The following TRPC7 variants were observed in gnomAD, a reference collection of about 807,000 sequenced individuals.
TRPC7 encodes the protein short transient receptor potential channel 7.
A neutral mutation model predicts 90.1 loss-of-function variants in TRPC7; 42 were observed. That is an observed-to-expected ratio of 0.47 (90% CI 0.36 to 0.60). TRPC7 has a LOEUF of 0.60. Ranked by LOEUF, TRPC7 falls within the 20% of genes least tolerant of loss-of-function variation. The pLI, the probability that TRPC7 is intolerant of heterozygous loss-of-function variation, is 0.00. For missense variants in TRPC7, 955 were observed against 1,112.3 expected (o/e 0.86, Z 2.01); for synonymous variants, 451 against 436.3 (o/e 1.03, Z -0.42).
chr5:136,354,103 A>C (rs982254187), intron 2 of TRPC7, among the ~76,000 whole-genome samples: 3 of 152,194 alleles, frequency 2.0e-5, no homozygotes, highest in African/African-American at 7.2e-5. Context: ...TTTTTAAAAA[A>C]CTTTTTGGCT....
At chr5:136,336,069 T>C (rs1759652436) in intron 2 of TRPC7, among the ~76,000 whole-genome samples, 1 of 152,066 alleles carries the variant, frequency 6.6e-6, no homozygotes, top group Admixed American at 6.5e-5. Flanking sequence ...CCTCTGCACA[T>C]CCTCATTCTT....
intron 3 of TRPC7, among the ~76,000 whole-genome samples, chr5:136,294,839 CAT>C (rs1390511084): frequency 2.0e-5 from 3 of 152,150 alleles, no homozygotes; most frequent in African/African-American, 4.8e-5. Context: ...CACATGCACA[CAT>C]ATGTTTGTTG....
chr5:136,254,629 A>G (rs926979159), intron 5 of TRPC7, among the ~76,000 whole-genome samples: 1 of 152,228 alleles, frequency 6.6e-6, no homozygotes, highest in Non-Finnish European at 1.5e-5. Context: ...AAGAGCTCTG[A>G]TCGAGATATA....
intron 2 of TRPC7, among the ~76,000 whole-genome samples, chr5:136,327,496 G>A (rs1400714775): frequency 1.3e-5 from 2 of 152,160 alleles, no homozygotes; most frequent in East Asian, 3.9e-4. Flanking sequence ...GCTCAGAGAA[G>A]GGGTTCAGTG....
chr5:136,293,678 G>A (rs1182771552), intron 3 of TRPC7, among the ~76,000 whole-genome samples: 2 of 152,278 alleles, frequency 1.3e-5, no homozygotes, highest in East Asian at 1.9e-4. Flanking sequence ...ATGCTCATGG[G>A]TAGGAAGAAT....
chr5:136,309,933 C>A, intron 3 of TRPC7, among the ~76,000 whole-genome samples: 1 of 152,156 alleles, frequency 6.6e-6, no homozygotes, highest in East Asian at 1.9e-4. Flanking sequence ...AGAGCTGTCT[C>A]TCCATCTATC....
intron 3 of TRPC7, among the ~76,000 whole-genome samples, chr5:136,311,528 T>C (rs1356064578): frequency 1.3e-5 from 2 of 152,096 alleles, no homozygotes; most frequent in Admixed American, 6.5e-5. Flanking sequence ...CCTCAGCATG[T>C]GTTTAGAGTT....
chr5:136,341,290 T>C (rs1177098709), intron 2 of TRPC7, among the ~76,000 whole-genome samples: 1 of 152,012 alleles, frequency 6.6e-6, no homozygotes, highest in East Asian at 1.9e-4. Flanking sequence ...ACTACAGCTA[T>C]TGGGGAGAAA....
intron 2 of TRPC7, among the ~76,000 whole-genome samples, chr5:136,335,129 G>A (rs1759612067): frequency 6.6e-6 from 1 of 152,150 alleles, no homozygotes; most frequent in South Asian, 2.1e-4. Context: ...TGAAGAGACT[G>A]AGGCTTGACA....
chr5:136,218,149 A>ATATAT (rs1351836687), intron 10 of TRPC7, among the ~76,000 whole-genome samples: 1 of 146,060 alleles, frequency 6.8e-6, no homozygotes, highest in South Asian at 2.1e-4. Flanking sequence ...TATATTTGAG[A>ATATAT]TATATATAAA....
chr5:136,312,663 C>T (rs1455924334), intron 3 of TRPC7, among the ~76,000 whole-genome samples: 1 of 152,142 alleles, frequency 6.6e-6, no homozygotes, highest in African/African-American at 2.4e-5. Context: ...ACAGGTACTC[C>T]CTTGAACCAT....
chr5:136,250,013 C>T (rs1756469793), intron 6 of TRPC7, among the ~76,000 whole-genome samples: 1 of 152,204 alleles, frequency 6.6e-6, no homozygotes, highest in Non-Finnish European at 1.5e-5. Context: ...CAACAGAAGT[C>T]AGAAGTGGAC....
intron 4 of TRPC7, among the ~76,000 whole-genome samples, chr5:136,271,291 G>A (rs1458058018): frequency 6.6e-6 from 1 of 152,136 alleles, no homozygotes; most frequent in Non-Finnish European, 1.5e-5. Context: ...GAAGATAATT[G>A]GAACAGTTAT....
intron 5 of TRPC7, among the ~76,000 whole-genome samples, chr5:136,261,182 C>A (rs949673069): frequency 2.6e-5 from 4 of 152,168 alleles, no homozygotes; most frequent in African/African-American, 9.7e-5. Flanking sequence ...AAATCTATCT[C>A]TCAGTTATTA....
chr5:136,285,424 T>C (rs1004020447), intron 3 of TRPC7, among the ~76,000 whole-genome samples: 10 of 152,168 alleles, frequency 6.6e-5, no homozygotes, highest in Non-Finnish European at 1.0e-4. Flanking sequence ...CAGTGGACAA[T>C]GATAATTTAT....
chr5:136,365,444 T>A lies in TRPC7; in HGVS notation c.-190A>T. On this transcript the variant is annotated 5_prime_UTR_variant, in exon 1 of 12. Transcript: ENST00000513104. ...CGCTCCTCTGTTCTTTGTGTTGCAG[T>A]GGTAAAAACTCGCCTTCCGAGGCAG... is the stretch of plus-strand genomic sequence containing the variant. 1.6e-6 allele frequency: 1 copy of A among 617,932 alleles called. No individual in the cohort carries two copies. The highest frequency in any genetic ancestry group is 2.0e-5 in the South Asian group (1 of 49,606). 38.3% of individuals were successfully genotyped at this position (617,932 alleles called of 1,614,324 possible).
rs1278709753 is a variant in TRPC7 at position 136,303,832 on chromosome 5, A to G, written c.963+11765T>C. ...GCCCCCTAGACCATCACGGATGCCG[A>G]GCTTCGGGTAACTCTCACAGTGGAG... On this transcript the variant is annotated intron_variant, in intron 3 of 11. Transcript: ENST00000513104. The G allele has an allele frequency of 2.6e-5, 4 of 151,486 alleles. No homozygotes were observed. The South Asian group carries it at 6.3e-4, about 24-fold the overall frequency. 9.4% of individuals were successfully genotyped at this position (151,486 alleles called of 1,614,324 possible). A position where few individuals can be genotyped will look rare whatever the true frequency, so the allele number is the denominator to read the frequency against.
chr5:136,236,525 T>C (rs373697868), intron 7 of TRPC7, among the ~76,000 whole-genome samples: 1 of 152,114 alleles, frequency 6.6e-6, no homozygotes, highest in East Asian at 1.9e-4. Context: ...TAAGAAGCAC[T>C]CCTAATGAAG....
At chr5:136,244,712 A>C (rs900707505) in intron 7 of TRPC7, among the ~76,000 whole-genome samples, 1 of 152,228 alleles carries the variant, frequency 6.6e-6, no homozygotes, top group African/African-American at 2.4e-5. Context: ...TGGAGTGGAT[A>C]CATTTAGTTT....
Sources: gnomAD v4.1 joint callset for allele counts (sites outside exome capture counted in the v4.1 genomes callset) on GRCh38, gnomAD v4.1.1 for gene constraint, MANE v1.5 for transcripts, NCBI Gene and HGNC (gene_info 2026-07-23, HGNC 2026-07-21) for gene names.